DCLK2: variants seen among roughly 807,000 people sequenced by gnomAD.
DCLK2 encodes the protein serine/threonine-protein kinase DCLK2.
In DCLK2, 31 loss-of-function variants were observed where a neutral mutation model predicts 78.4. That is an observed-to-expected ratio of 0.40 (90% confidence interval 0.30 to 0.53). The LOEUF is 0.53. Ranked by LOEUF, DCLK2 falls within the 20% of genes least tolerant of loss-of-function variation. The pLI, the probability that DCLK2 is intolerant of heterozygous loss-of-function variation, is 0.61. For synonymous variants in DCLK2, 407 were observed against 374.9 expected (o/e 1.09, Z -0.99); for missense variants, 872 against 973.7 (o/e 0.90, Z 1.39).
At chr4:150,160,958 T>C (rs1735661156) in intron 2 of DCLK2, among the ~76,000 whole-genome samples, 1 of 152,176 alleles carries the variant, frequency 6.6e-6, no homozygotes, top group African/African-American at 2.4e-5. Context: ...TTAATGTTTT[T>C]TCAATTAATA....
At chr4:150,167,932 CTG>C (rs950554970) in intron 2 of DCLK2, among the ~76,000 whole-genome samples, 7 of 152,204 alleles carry the variant, frequency 4.6e-5, no homozygotes, top group Admixed American at 1.3e-4. Context: ...AGTAAACACA[CTG>C]TGCATGCAGG....
intron 2 of DCLK2, among the ~76,000 whole-genome samples, chr4:150,181,416 A>C (rs1737509477): frequency 6.6e-6 from 1 of 152,162 alleles, no homozygotes; most frequent in Non-Finnish European, 1.5e-5. Flanking sequence ...CCTCTTTTAC[A>C]GGAAGAATGA....
chr4:150,098,386 G>C (rs555720432), intron 1 of DCLK2, among the ~76,000 whole-genome samples: 8 of 152,332 alleles, frequency 5.3e-5, no homozygotes, highest in Non-Finnish European at 1.2e-4. Flanking sequence ...AAAATGGCTT[G>C]ACTCTGAGTG....
intron 2 of DCLK2, among the ~76,000 whole-genome samples, chr4:150,120,495 A>T (rs1732442441): frequency 6.6e-6 from 1 of 152,200 alleles, no homozygotes; most frequent in Admixed American, 6.5e-5. Context: ...CCTTAAGAAG[A>T]GGAATTAATT....
chr4:150,135,165 TACAC>T (rs57866267), intron 2 of DCLK2, among the ~76,000 whole-genome samples: 2,056 of 146,902 alleles, frequency 0.014, 40 homozygotes, highest in African/African-American at 0.045. Context: ...CATACACGTG[TACAC>T]ACACACACAC....
At chr4:150,167,329 T>C (rs533518225) in intron 2 of DCLK2, among the ~76,000 whole-genome samples, 30 of 152,214 alleles carry the variant, frequency 2.0e-4, no homozygotes, top group Admixed American at 3.3e-4. Context: ...AAAGAGACTT[T>C]TCATATTCAT....
At chr4:150,184,598 CTTCTT>C (rs200012084) in intron 2 of DCLK2, among the ~76,000 whole-genome samples, 69,206 of 107,068 alleles carry the variant, frequency 0.65, 20,648 homozygotes, top group African/African-American at 0.71. Flanking sequence ...TCTTCTTCTT[CTTCTT>C]TTTTTTTTTT....
At chr4:150,099,320 A>G (rs764596140) in intron 1 of DCLK2, among the ~76,000 whole-genome samples, 2 of 152,194 alleles carry the variant, frequency 1.3e-5, no homozygotes, top group African/African-American at 2.4e-5. Flanking sequence ...CGGCCTCCCA[A>G]AGGGCTGGGA....
intron 2 of DCLK2, among the ~76,000 whole-genome samples, chr4:150,154,631 A>G (rs1448954701): frequency 3.9e-5 from 6 of 152,330 alleles, no homozygotes; most frequent in African/African-American, 1.4e-4. Flanking sequence ...TTAAACACCT[A>G]AAGGAAGCTA....
chr4:150,256,195 C>T lies in DCLK2; in HGVS notation c.2249C>T (p.Pro750Leu), dbSNP rs1370132403. ...GAATCTCCCACCCCCCACCCTCCTC[C>T]CGCTGCCCCGGGTGGTGAGCGGGCA... Reference protein sequence around the residue: ...PPESPTPHPPPAAPGGERAGT... With the variant: ...PPESPTPHPPLAAPGGERAGT... The change falls in exon 16 of 16, where the codon CCC becomes CTC. Residue 750 changes from proline (P) to leucine (L), a missense_variant. By Grantham distance (98) the Pro-to-Leu change is moderately conservative (BLOSUM62 -3). Around this residue, in one of 3 missense-constraint regions of DCLK2, gnomAD observed 219 missense variants for 230.1 expected, o/e 0.95. Coordinates refer to ENST00000296550, the MANE Select transcript of DCLK2 (RefSeq NM_001040260.4). The T allele has an allele frequency of 2.6e-6, 4 of 1,548,136 alleles. No homozygotes were observed. The highest frequency in any genetic ancestry group is 1.2e-5 in the South Asian group (1 of 83,904).
At chr4:150,111,082 C>T (rs1388749751) in intron 2 of DCLK2, among the ~76,000 whole-genome samples, 1 of 152,138 alleles carries the variant, frequency 6.6e-6, no homozygotes, top group Non-Finnish European at 1.5e-5. Flanking sequence ...AGAGGTTGTA[C>T]TAAGATACAT....
At chr4:150,099,939 A>G (rs9307867) in intron 1 of DCLK2, among the ~76,000 whole-genome samples, 58,095 of 151,990 alleles carry the variant, frequency 0.38, 11,340 homozygotes, top group Non-Finnish European at 0.42. Context: ...TGGGGACAGG[A>G]TCTTGCTCTG....
intron 2 of DCLK2, among the ~76,000 whole-genome samples, chr4:150,159,009 T>G (rs1201073171): frequency 6.6e-6 from 1 of 152,114 alleles, no homozygotes; most frequent in East Asian, 1.9e-4. Context: ...GAAGAAATAG[T>G]GAGATGTGGA....
intron 10 of DCLK2, 150 bp from the exon 11 acceptor site, chr4:150,239,592 C>A: frequency 9.7e-7 from 1 of 1,028,102 alleles, no homozygotes; most frequent in Non-Finnish European, 1.4e-6. Context: ...CAAAGCGAGA[C>A]CGTGTCTTCA....
At chr4:150,171,443 TGCACTCCA>T (rs1425057760) in intron 2 of DCLK2, among the ~76,000 whole-genome samples, 1 of 152,186 alleles carries the variant, frequency 6.6e-6, no homozygotes, top group Non-Finnish European at 1.5e-5. Flanking sequence ...ATCGCGCCAC[TGCACTCCA>T]GCCTGGGCGA....
chr4:150,255,049 G>A (rs952706576), intron 15 of DCLK2, among the ~76,000 whole-genome samples: 1 of 152,212 alleles, frequency 6.6e-6, no homozygotes, highest in Non-Finnish European at 1.5e-5. Context: ...GGTGGCCCCA[G>A]GTGCCCTGAA....
chr4:150,129,819 A>G (rs1733175384), intron 2 of DCLK2, among the ~76,000 whole-genome samples: 1 of 151,954 alleles, frequency 6.6e-6, no homozygotes, highest in African/African-American at 2.4e-5. Flanking sequence ...TTAAAATCAG[A>G]AGTCTGTCTT....
Position 150,198,112 on chromosome 4 carries a change from T to C in DCLK2, c.961+9T>C, listed in dbSNP as rs769857092. 9 of 1,609,230 alleles carry C rather than the reference T, an allele frequency of 5.6e-6. No individual in the cohort carries two copies. The highest frequency in any genetic ancestry group is 7.7e-6 in the Non-Finnish European group (9 of 1,176,380). The stretch of plus-strand genomic sequence containing the variant: ...CAAATCACCAGCTTCAGGTAGTTAA[T>C]GGAAAAGGAATAGATGGTCATAGCA... On this transcript the variant is annotated intron_variant, in intron 4 of 15. Coordinates refer to ENST00000296550, the MANE Select transcript of DCLK2 (RefSeq NM_001040260.4).
Position 150,252,389 on chromosome 4 carries a change from C to T in DCLK2, c.2073+2705C>T, listed in dbSNP as rs959383245. ...TGTTAAGTCTTCTGAGAGGAAGAAC[C>T]TTTAACCGCCCTGTGCCCAGGGCTT... On this transcript the variant is annotated intron_variant, in intron 15 of 15. Transcript: ENST00000296550. 2.6e-5 allele frequency among the ~76,000 whole-genome samples: 4 copies of T among 152,168 alleles called. 1 individual carries two copies. Among genetic ancestry groups the T allele is most frequent in the Admixed American group, 2.0e-4 (3 of 15,290 alleles).
Sources: gnomAD v4.1 joint callset for allele counts (sites outside exome capture counted in the v4.1 genomes callset) on GRCh38, gnomAD v4.1.1 for gene constraint, gnomAD v4.1.1 regional missense constraint, MANE v1.5 for transcripts, NCBI Gene and HGNC (gene_info 2026-07-23, HGNC 2026-07-21) for gene names.